The following ANO10 variants were observed in gnomAD, a reference collection of about 807,000 sequenced individuals.
ANO10 encodes the protein anoctamin 10, also known as anoctamin-10.
In ANO10, 77 loss-of-function variants were observed where a neutral mutation model predicts 74.7. The ratio of observed to expected loss-of-function variants is 1.03; its 90% CI spans 0.86 to 1.25. The LOEUF (loss-of-function observed/expected upper bound fraction) is 1.25. Among genes scored for constraint, ANO10 ranks in the 50% most tolerant of loss-of-function variants. The pLI, the probability that ANO10 is intolerant of heterozygous loss-of-function variation, is 0.00. For synonymous variants in ANO10, 279 were observed against 284.9 expected (o/e 0.98, Z 0.21); for missense variants, 721 against 778.1 (o/e 0.93, Z 0.87).
rs372925484 is a variant in ANO10 at position 43,493,762 on chromosome 3, G to A, written c.1797+55958C>T. 8.5e-5 allele frequency among the ~76,000 whole-genome samples: 13 copies of A among 152,162 alleles called. 1 individual carries two copies. The highest frequency in any genetic ancestry group is 7.7e-4 in the East Asian group (4 of 5,162). ...CCACAGCAAACAACTTAAGACACAA[G>A]TCTCATTCTGTCACCCAGGCTGGAG... is the stretch of plus-strand genomic sequence containing the variant. On this transcript the variant is annotated intron_variant, in intron 11 of 12. Coordinates refer to ENST00000292246, the MANE Select transcript of ANO10 (RefSeq NM_018075.5).
chr3:43,437,531 TA>T (rs2148955488), intron 11 of ANO10, among the ~76,000 whole-genome samples: 1 of 152,338 alleles, frequency 6.6e-6, no homozygotes, highest in African/African-American at 2.4e-5. Context: ...CATGTGAACT[TA>T]AAGGATATAC....
In ANO10 at chr3:43,606,263, T is replaced by G. The variant is rs563080570; in HGVS notation, c.-11-400A>C. ...GTATCCTAAGTAGACAAAATTATATTTCCCTAGAAAATAATGATGAAAAAA... is the reference window on the plus strand; with the variant it reads ...GTATCCTAAGTAGACAAAATTATATGTCCCTAGAAAATAATGATGAAAAAA... On this transcript the variant is annotated intron_variant, in intron 1 of 12. Transcript: ENST00000292246. Among the ~76,000 whole-genome samples the G allele has an allele frequency of 2.0e-5, 3 of 152,294 alleles. No individual in the cohort carries two copies. In the East Asian group the frequency reaches 5.8e-4, roughly 29 times the overall value.
At chr3:43,452,067 A>G (rs762652141) in intron 11 of ANO10, among the ~76,000 whole-genome samples, 1 of 152,208 alleles carries the variant, frequency 6.6e-6, no homozygotes, top group African/African-American at 2.4e-5. Context: ...CCATAGAACA[A>G]TTCTAACTTA....
intron 12 of ANO10, among the ~76,000 whole-genome samples, chr3:43,367,430 T>C (rs1171459981): frequency 6.6e-6 from 1 of 152,154 alleles, no homozygotes; most frequent in African/African-American, 2.4e-5. Context: ...GCTGCAAGTA[T>C]TGTTGTCCAT....
At chr3:43,623,898 A>G (rs1308720359), upstream of ANO10, among the ~76,000 whole-genome samples, 2 of 152,238 alleles carry the variant, frequency 1.3e-5, no homozygotes, top group Non-Finnish European at 2.9e-5. Context: ...CAATAAGTTT[A>G]GACATGAATT....
Position 43,580,470 on chromosome 3 carries a change from T to C in ANO10, c.475A>G (p.Arg159Gly), listed in dbSNP as rs774131560. The C allele has an allele frequency of 6.2e-7, 1 of 1,613,536 alleles. No homozygotes were observed. Among genetic ancestry groups the C allele is most frequent in the Non-Finnish European group, 8.5e-7 (1 of 1,179,878 alleles). The change falls in exon 5 of 13, where the codon AGA becomes GGA. Residue 159 changes from arginine to glycine, a missense_variant and splice_region_variant. Physicochemically the swap from Arg to Gly is moderately radical, Grantham distance 125. Coordinates refer to ENST00000292246, the MANE Select transcript of ANO10 (RefSeq NM_018075.5). ...ACGATGCCAGACGTGAGCAATCTTCTCACTGCACAGGGAAAATGTGCCAAA... is the reference window on the plus strand; with the variant it reads ...ACGATGCCAGACGTGAGCAATCTTCCCACTGCACAGGGAAAATGTGCCAAA... ...AKLYPGKSLL[R>G]RLLTSGIVIQ...
intron 12 of ANO10, among the ~76,000 whole-genome samples, chr3:43,431,917 A>C (rs1465687504): frequency 6.6e-6 from 1 of 152,090 alleles, no homozygotes; most frequent in Non-Finnish European, 1.5e-5. Context: ...TTGGAGGCCA[A>C]AGAAGGAGTA....
At chr3:43,563,844 G>A (rs1470814332) in intron 8 of ANO10, among the ~76,000 whole-genome samples, 4 of 152,118 alleles carry the variant, frequency 2.6e-5, no homozygotes, top group African/African-American at 9.7e-5. Context: ...ACCAGAGGCT[G>A]GGTGGGTGTG....
chr3:43,545,179 A>G (rs1051602358), intron 11 of ANO10, among the ~76,000 whole-genome samples: 4 of 152,280 alleles, frequency 2.6e-5, no homozygotes, highest in Non-Finnish European at 5.9e-5. Context: ...AAAGTATAGC[A>G]TGCTGTTAAT....
chr3:43,452,227 A>G (rs1346448634), intron 11 of ANO10, among the ~76,000 whole-genome samples: 2 of 152,228 alleles, frequency 1.3e-5, no homozygotes, highest in Non-Finnish European at 2.9e-5. Context: ...ATGAAAGTAT[A>G]TAATTCAATA....
chr3:43,414,967 C>CCT (rs1181572896), intron 12 of ANO10, among the ~76,000 whole-genome samples: 1 of 66,594 alleles, frequency 1.5e-5, no homozygotes, highest in Non-Finnish European at 2.7e-5. Context: ...TGTCATTGTG[C>CCT]TTTTTTTTTT....
chr3:43,366,291 G>A lies in ANO10; in HGVS notation c.*615C>T, dbSNP rs1224487830. On this transcript the variant is annotated 3_prime_UTR_variant, in exon 13 of 13. Coordinates refer to ENST00000292246, the MANE Select transcript of ANO10 (RefSeq NM_018075.5). Reference sequence around the variant, plus strand: ...TCCACCTTCAGTGACCTCACCAAGTGCTTCAGAAAAGGGAAGCCCATTGCG... The same window carrying A: ...TCCACCTTCAGTGACCTCACCAAGTACTTCAGAAAAGGGAAGCCCATTGCG... 1 of 159,412 alleles carries A rather than the reference G, an allele frequency of 6.3e-6. No homozygotes were observed. The highest frequency in any genetic ancestry group is 1.4e-5 in the Non-Finnish European group (1 of 71,878). The allele number at this position is 159,412 out of a possible 1,614,324, so 9.9% of individuals were successfully genotyped here.
At chr3:43,450,892 C>G (rs993854828) in intron 11 of ANO10, among the ~76,000 whole-genome samples, 4 of 152,190 alleles carry the variant, frequency 2.6e-5, no homozygotes, top group African/African-American at 9.6e-5. Flanking sequence ...AATCCATTCA[C>G]AGATGAATTT....
chr3:43,573,100 C>A (rs2080819001), intron 7 of ANO10, among the ~76,000 whole-genome samples: 1 of 151,772 alleles, frequency 6.6e-6, no homozygotes, highest in South Asian at 2.1e-4. Flanking sequence ...AATGTTTTTA[C>A]CTCTGAGGGA....
At chr3:43,397,279 C>T (rs2092400020) in intron 12 of ANO10, among the ~76,000 whole-genome samples, 2 of 152,148 alleles carry the variant, frequency 1.3e-5, no homozygotes. Flanking sequence ...AAAGTATTTG[C>T]ATGTCTCCGT....
intron 1 of ANO10, among the ~76,000 whole-genome samples, chr3:43,627,558 C>T (rs1178906336): frequency 1.3e-5 from 2 of 152,218 alleles, no homozygotes; most frequent in East Asian, 3.8e-4. Flanking sequence ...ACAAAGAAGC[C>T]ACAACCTTCC....
intron 11 of ANO10, among the ~76,000 whole-genome samples, chr3:43,510,575 T>C (rs1256535856): frequency 1.3e-5 from 2 of 152,060 alleles, no homozygotes; most frequent in South Asian, 4.1e-4. Flanking sequence ...AATATCACCA[T>C]CCAGGAAACT....
intron 8 of ANO10, among the ~76,000 whole-genome samples, chr3:43,564,438 A>G (rs1270188194): frequency 6.6e-6 from 1 of 152,182 alleles, no homozygotes; most frequent in Non-Finnish European, 1.5e-5. Flanking sequence ...AGAGCCACCC[A>G]TAATTACACA....
At chr3:43,613,257 G>T (rs1282333209) in intron 1 of ANO10, among the ~76,000 whole-genome samples, 2 of 152,090 alleles carry the variant, frequency 1.3e-5, no homozygotes, top group African/African-American at 4.8e-5. Context: ...AACATGCTAG[G>T]TTCAATGAAG....
Sources: gnomAD v4.1 joint callset for allele counts (sites outside exome capture counted in the v4.1 genomes callset) on GRCh38, gnomAD v4.1.1 for gene constraint, MANE v1.5 for transcripts, NCBI Gene and HGNC (gene_info 2026-07-23, HGNC 2026-07-21) for gene names.